CDC42BPA: variants seen among roughly 807,000 people sequenced by gnomAD.
The protein encoded by CDC42BPA is serine/threonine-protein kinase MRCK alpha.
Under a neutral mutation model 223.5 loss-of-function variants are expected in CDC42BPA, and 80 were observed. That is an observed-to-expected ratio of 0.36 (90% CI 0.30 to 0.43). CDC42BPA has a LOEUF of 0.43. CDC42BPA is among the 20% of genes least tolerant of loss of function. CDC42BPA has a pLI of 1.00. For synonymous variants in CDC42BPA, 694 were observed against 718.6 expected (o/e 0.97, Z 0.55); for missense variants, 1,743 against 2,099.9 (o/e 0.83, Z 3.32).
chr1:227,149,893 A>G (rs1346193241), intron 6 of CDC42BPA, among the ~76,000 whole-genome samples: 2 of 152,184 alleles, frequency 1.3e-5, no homozygotes, highest in Admixed American at 6.5e-5. Context: ...CAAGAATGAT[A>G]TAAGACTCGA....
chr1:227,117,543 G>A (rs1009779172), intron 12 of CDC42BPA, among the ~76,000 whole-genome samples: 1 of 151,728 alleles, frequency 6.6e-6, no homozygotes, highest in Non-Finnish European at 1.5e-5. Context: ...TCAAACTCCT[G>A]GACTCAAGTG....
intron 17 of CDC42BPA, among the ~76,000 whole-genome samples, chr1:227,074,660 TAAC>T (rs941514394): frequency 2.6e-5 from 4 of 152,194 alleles, no homozygotes; most frequent in Non-Finnish European, 5.9e-5. Context: ...TCTTTAAATC[TAAC>T]AATTAACACA....
At chr1:227,224,269 T>G (rs1373476447) in intron 2 of CDC42BPA, among the ~76,000 whole-genome samples, 1 of 151,790 alleles carries the variant, frequency 6.6e-6, no homozygotes, top group East Asian at 1.9e-4. Flanking sequence ...GTTTCGCTCT[T>G]GTTGCCCAGG....
At chr1:227,293,793 A>C (rs570415258) in intron 1 of CDC42BPA, among the ~76,000 whole-genome samples, 1 of 151,248 alleles carries the variant, frequency 6.6e-6, no homozygotes, top group East Asian at 2.0e-4. Context: ...CCTGGGCAAC[A>C]AGAACAAAAC....
At chr1:227,054,858 T>C (rs1489651308) in intron 21 of CDC42BPA, among the ~76,000 whole-genome samples, 1 of 152,058 alleles carries the variant, frequency 6.6e-6, no homozygotes, top group Admixed American at 6.6e-5. Context: ...TAATGAAATT[T>C]ACCATACTAG....
At chr1:227,226,335 T>C (rs2718219) in intron 2 of CDC42BPA, among the ~76,000 whole-genome samples, 47,543 of 152,104 alleles carry the variant, frequency 0.31, 7,627 homozygotes, top group East Asian at 0.37. Context: ...AGTCTTGATC[T>C]CTTTTAACAG....
intron 1 of CDC42BPA, among the ~76,000 whole-genome samples, chr1:227,285,354 G>A (rs1265438727): frequency 6.6e-6 from 1 of 152,208 alleles, no homozygotes; most frequent in Admixed American, 6.5e-5. Flanking sequence ...TTATTTGGAT[G>A]CATATATCAA....
intron 5 of CDC42BPA, among the ~76,000 whole-genome samples, chr1:227,169,056 T>C (rs1665650207): frequency 2.0e-5 from 3 of 152,082 alleles, no homozygotes. Context: ...CACTAGGCTG[T>C]TAATTTTTTG....
intron 5 of CDC42BPA, among the ~76,000 whole-genome samples, chr1:227,184,413 T>G (rs1314592706): frequency 6.6e-6 from 1 of 152,134 alleles, no homozygotes; most frequent in Admixed American, 6.5e-5. Context: ...GTCTCTTATT[T>G]GAGCACCATT....
intron 34 of CDC42BPA, chr1:227,010,799 C>G: frequency 1.3e-6 from 1 of 789,444 alleles, no homozygotes; most frequent in Non-Finnish European, 1.7e-6. Context: ...ACCATTTCAG[C>G]GGTGTTACTT....
At chr1:227,094,149 G>A (rs924428169) in intron 15 of CDC42BPA, among the ~76,000 whole-genome samples, 71 of 152,164 alleles carry the variant, frequency 4.7e-4, no homozygotes, top group African/African-American at 1.7e-3. Context: ...AGGAGTATGG[G>A]CAGCATACAG....
intron 1 of CDC42BPA, among the ~76,000 whole-genome samples, chr1:227,284,433 T>C (rs936785474): frequency 1.3e-5 from 2 of 152,190 alleles, no homozygotes; most frequent in Non-Finnish European, 2.9e-5. Context: ...GAACCACATG[T>C]AAGTCCGTAA....
At chr1:227,022,840 C>G (rs955057373) in intron 32 of CDC42BPA, among the ~76,000 whole-genome samples, 1 of 152,208 alleles carries the variant, frequency 6.6e-6, no homozygotes, top group Non-Finnish European at 1.5e-5. Flanking sequence ...ATGCTGACAT[C>G]ACCACTTTCG....
intron 33 of CDC42BPA, among the ~76,000 whole-genome samples, chr1:227,016,671 TG>T (rs11340205): frequency 0.32 from 48,321 of 151,978 alleles, 7,912 homozygotes; most frequent in East Asian, 0.5. Flanking sequence ...TCCAAAAATA[TG>T]ACTATTCCAT....
intron 2 of CDC42BPA, among the ~76,000 whole-genome samples, chr1:227,214,374 A>T (rs1375680300): frequency 1.3e-5 from 2 of 152,180 alleles, no homozygotes; most frequent in Non-Finnish European, 2.9e-5. Flanking sequence ...AATGACTGTG[A>T]TTATAGTTTT....
chr1:227,229,212 T>C (rs570052937), intron 2 of CDC42BPA, among the ~76,000 whole-genome samples: 2 of 152,240 alleles, frequency 1.3e-5, no homozygotes, highest in Non-Finnish European at 2.9e-5. Context: ...TGAAGTAGAG[T>C]CCAACTTCAT....
At chr1:227,193,087 G>T (rs10916101) in intron 5 of CDC42BPA, among the ~76,000 whole-genome samples, 88,013 of 118,330 alleles carry the variant, frequency 0.74, 30,536 homozygotes, top group Non-Finnish European at 0.77. Context: ...TTTTTTTTTG[G>T]AGACAGAGTC....
chr1:227,063,542 G>A (rs991657748), intron 21 of CDC42BPA, among the ~76,000 whole-genome samples: 6 of 151,760 alleles, frequency 4.0e-5, no homozygotes, highest in South Asian at 2.1e-4. Context: ...GATAAAATAC[G>A]TAATATATAC....
intron 21 of CDC42BPA, among the ~76,000 whole-genome samples, chr1:227,058,875 TA>T (rs59841633): frequency 9.3e-4 from 136 of 146,930 alleles, no homozygotes; most frequent in Middle Eastern, 3.5e-3. Flanking sequence ...TGAACTACAT[TA>T]AAAAAAAAAA....
Sources: gnomAD v4.1 joint callset for allele counts (sites outside exome capture counted in the v4.1 genomes callset) on GRCh38, gnomAD v4.1.1 for gene constraint, MANE v1.5 for transcripts, NCBI Gene and HGNC (gene_info 2026-07-23, HGNC 2026-07-21) for gene names.